The following KIF14 variants were observed in gnomAD, a reference collection of about 807,000 sequenced individuals.
The protein encoded by KIF14 is kinesin-like protein KIF14.
A neutral mutation model predicts 176.2 loss-of-function variants in KIF14; 98 were observed. The ratio of observed to expected loss-of-function variants is 0.56; its 90% confidence interval spans 0.47 to 0.66. The LOEUF (loss-of-function observed/expected upper bound fraction) is 0.66, where lower values mean the gene tolerates loss of function less well. Ranked by LOEUF, KIF14 falls within the 30% of genes least tolerant of loss-of-function variation. KIF14 has a pLI of 0.00. For synonymous variants in KIF14, 566 were observed against 632.2 expected (o/e 0.90, Z 1.57); for missense variants, 1,751 against 1,920.4 (o/e 0.91, Z 1.65).
chr1:200,615,669 A>C, intron 2 of KIF14, 60 bp from the exon 3 acceptor site: 65 of 1,384,510 alleles, frequency 4.7e-5, no homozygotes, highest in Non-Finnish European at 5.9e-5. Flanking sequence ...TATTATTCTC[A>C]CAGAACATAA....
At chr1:200,606,586 AC>A (rs1659891619) in intron 6 of KIF14, among the ~76,000 whole-genome samples, 159 bp downstream of exon 6, 1 of 151,690 alleles carries the variant, frequency 6.6e-6, no homozygotes, top group African/African-American at 2.4e-5. Context: ...GAGAGGGAAA[AC>A]CTAATTGGAC....
At chr1:200,575,717 C>A in intron 21 of KIF14, 26 bp from the exon 22 acceptor site, 2 of 1,308,528 alleles carry the variant, frequency 1.5e-6, no homozygotes, top group African/African-American at 1.5e-5. Flanking sequence ...TATATAGTTT[C>A]AGTAAATTTG....
Position 200,586,168 on chromosome 1 carries a change from C to T in KIF14, c.3174G>A (p.Lys1058=), listed in dbSNP as rs1245287456. The T allele has an allele frequency of 1.9e-6, 3 of 1,601,590 alleles. No homozygotes were observed. The highest frequency in any genetic ancestry group is 1.3e-5 in the African/African-American group (1 of 74,630). The change falls in exon 19 of 30, where the codon AAG becomes AAA. Residue 1058 remains lysine, a synonymous_variant. Coordinates refer to ENST00000367350, the MANE Select transcript of KIF14 (RefSeq NM_014875.3). ...TTTGTACTTCTTTAGCAATTTTTTG[C>T]TTTTCAGTTTCTAAAGCTTCCAGAA... ...ARILEALETE[K]QKIAKEVQIL...
chr1:200,556,789 G>C (rs1201450667), intron 27 of KIF14, among the ~76,000 whole-genome samples: 1 of 152,216 alleles, frequency 6.6e-6, no homozygotes, highest in Non-Finnish European at 1.5e-5. Context: ...ATGGTGAAGT[G>C]TTTTAGTGAT....
rs372382009 is a variant in KIF14, at chr1:200,559,436, G to A, written c.4247C>T (p.Ala1416Val). 5.9e-6 allele frequency: 9 copies of A among 1,529,164 alleles called. No individual in the cohort carries two copies. Among genetic ancestry groups the A allele is most frequent in the Non-Finnish European group, 6.1e-6 (7 of 1,140,290 alleles). 94.7% of individuals were successfully genotyped at this position (1,529,164 alleles called of 1,614,324 possible). A position where few individuals can be genotyped will look rare whatever the true frequency, so the allele number is the denominator to read the frequency against. Reference sequence around the variant, plus strand: ...TCCTAAGCCTACACCATCACAAACAGCATCCATGAATTCCTCCTAGAAAAA... The same window carrying A: ...TCCTAAGCCTACACCATCACAAACAACATCCATGAATTCCTCCTAGAAAAA... The part of the protein sequence containing the change: ...AASVQEEFMD[A>V]VCDGVGLGMK... The change falls in exon 27 of 30, where the codon GCT becomes GTT. Residue 1416 changes from alanine (A) to valine (V), a missense_variant. Ala to Val is a moderately conservative substitution (Grantham distance 64, BLOSUM62 0). Transcript: ENST00000367350.
chr1:200,589,782 G>C (rs530188011), intron 17 of KIF14, among the ~76,000 whole-genome samples: 4 of 145,228 alleles, frequency 2.8e-5, no homozygotes, highest in African/African-American at 1.0e-4. Flanking sequence ...CTTCTGAGTA[G>C]CTGGGACTAC....
chr1:200,578,149 C>T (rs549119350), intron 21 of KIF14, among the ~76,000 whole-genome samples: 1 of 152,110 alleles, frequency 6.6e-6, no homozygotes, highest in South Asian at 2.1e-4. Flanking sequence ...TACTTAAATG[C>T]CACTTCTCAT....
chr1:200,559,942 A>G (rs545211849), intron 26 of KIF14, among the ~76,000 whole-genome samples: 1 of 152,188 alleles, frequency 6.6e-6, no homozygotes, highest in Non-Finnish European at 1.5e-5. Context: ...TTTAGTAGAG[A>G]CGGGGTTTCG....
In KIF14 at chr1:200,563,932, T is replaced by A. The variant is rs573651822; in HGVS notation, c.4071+1137A>T. On this transcript the variant is annotated intron_variant, in intron 25 of 29. Coordinates refer to ENST00000367350, the MANE Select transcript of KIF14 (RefSeq NM_014875.3). ...TTCTAGCCAGATATATAAATAGATG[T>A]GGCATATGGTGATTTCCAGAAACCT... Among the ~76,000 whole-genome samples the A allele has an allele frequency of 2.6e-5, 4 of 152,210 alleles. No homozygotes were observed. In the South Asian group the frequency reaches 8.3e-4, roughly 32 times the overall value.
intron 25 of KIF14, among the ~76,000 whole-genome samples, chr1:200,561,239 A>AAAAAAAAAG (rs1553253846): frequency 3.4e-5 from 5 of 145,458 alleles, no homozygotes; most frequent in Middle Eastern, 4.2e-3. Context: ...TAAAAAAAAA[A>AAAAAAAAAG]AAAAAGAAAA....
intron 26 of KIF14, 144 bp from the exon 27 acceptor site, chr1:200,559,596 T>TA: frequency 2.5e-6 from 1 of 407,906 alleles, no homozygotes; most frequent in Non-Finnish European, 4.2e-6. Context: ...CATCCCAAGT[T>TA]TATTAAGTTC....
chr1:200,575,777 T>A (rs1658069611), intron 21 of KIF14, 86 bp from the exon 22 acceptor site: 1 of 674,338 alleles, frequency 1.5e-6, no homozygotes, highest in African/African-American at 1.8e-5. Flanking sequence ...AATCCTTTGT[T>A]ACATTTAAAC....
At position 200,559,391 on chromosome 1, in the gene KIF14, G is replaced by T; in HGVS notation, c.4292C>A (p.Ser1431Tyr). Residue 1431 changes from serine to tyrosine, a missense_variant, in exon 27 of 30, where the codon TCT becomes TAT. Coordinates refer to ENST00000367350, the MANE Select transcript of KIF14 (RefSeq NM_014875.3). The part of the protein sequence containing the change: ...VGLGMKILLD[S>Y]GLEKAKELQH... ...AAGTTCTTTTGCTTTTTCCAGTCCA[G>T]AATCTAATAAAATCTTCATTCCTAA... The T allele has an allele frequency of 1.3e-6, 2 of 1,590,564 alleles. No individual in the cohort carries two copies. The highest frequency in any genetic ancestry group is 1.7e-6 in the Non-Finnish European group (2 of 1,167,546).
chr1:200,579,619 T>C (rs188264564), intron 21 of KIF14, among the ~76,000 whole-genome samples: 18 of 131,722 alleles, frequency 1.4e-4, no homozygotes, highest in Non-Finnish European at 2.9e-4. Context: ...CAAAAAAATA[T>C]ATATATATAT....
intron 14 of KIF14, among the ~76,000 whole-genome samples, chr1:200,594,390 A>C (rs1390814852): frequency 6.9e-6 from 1 of 145,432 alleles, no homozygotes; most frequent in Admixed American, 6.9e-5. Context: ...AAAAAAAAAA[A>C]AAACTAGCAA....
chr1:200,598,804 C>G (rs957189474), intron 13 of KIF14, among the ~76,000 whole-genome samples: 1 of 152,124 alleles, frequency 6.6e-6, no homozygotes, highest in Non-Finnish European at 1.5e-5. Context: ...GGTGATCCAC[C>G]CGCCTCAGCC....
chr1:200,595,918 T>G, intron 14 of KIF14, among the ~76,000 whole-genome samples: 1 of 112,948 alleles, frequency 8.9e-6, no homozygotes, highest in African/African-American at 3.6e-5. Flanking sequence ...GGTGATAGAG[T>G]GAGACTCCAT....
Position 200,618,497 on chromosome 1 carries a change from G to T in KIF14, c.227C>A (p.Ala76Glu), listed in dbSNP as rs776521758. The T allele has an allele frequency of 3.7e-6, 6 of 1,614,044 alleles. No individual in the cohort carries two copies. The Admixed American group carries it at 1.0e-4, about 27-fold the overall frequency. Residue 76 changes from alanine to glutamate, a missense_variant, in exon 2 of 30, where the codon GCA (alanine) becomes GAA (glutamate). Transcript: ENST00000367350. ...AGGATTAGGGGTAAGGGGCATGTCTGCTGTTTTTCTACTGGCAGAAATAAC... is the reference window on the plus strand; with the variant it reads ...AGGATTAGGGGTAAGGGGCATGTCTTCTGTTTTTCTACTGGCAGAAATAAC... ...TYVISASRKTADMPLTPNPVG... is the reference protein window; with the variant it reads ...TYVISASRKTEDMPLTPNPVG...
At chr1:200,576,927 T>C (rs1658147589) in intron 21 of KIF14, among the ~76,000 whole-genome samples, 1 of 151,556 alleles carries the variant, frequency 6.6e-6, no homozygotes, top group Non-Finnish European at 1.5e-5. Flanking sequence ...CCTTCCAGAC[T>C]CAGGTAATCC....
Sources: allele counts gnomAD v4.1 joint callset (sites outside exome capture counted in the v4.1 genomes callset), GRCh38; gene constraint gnomAD v4.1.1; transcripts MANE v1.5; gene names NCBI Gene and HGNC (gene_info 2026-07-23, HGNC 2026-07-21).